The following DGKB variants were observed in gnomAD, a reference collection of about 807,000 sequenced individuals.
DGKB encodes the protein 90 kDa diacylglycerol kinase.
Under a neutral mutation model 114.3 loss-of-function variants are expected in DGKB, and 67 were observed. The observed-to-expected ratio is 0.59, with a 90% CI of 0.48 to 0.72. DGKB has a LOEUF of 0.72. Among genes scored for constraint, DGKB ranks in the 30% least tolerant of loss-of-function variants. The pLI is 0.00. For missense variants in DGKB, 907 were observed against 975.2 expected (o/e 0.93, Z 0.93); for synonymous variants, 398 against 323.1 (o/e 1.23, Z -2.49).
intron 1 of DGKB, among the ~76,000 whole-genome samples, chr7:14,868,795 A>G (rs1024142434): frequency 1.3e-5 from 2 of 152,156 alleles, no homozygotes; most frequent in African/African-American, 4.8e-5. Flanking sequence ...TGACTACCTC[A>G]AAGCTGAGGT....
At chr7:14,707,101 T>A in intron 6 of DGKB, among the ~76,000 whole-genome samples, 2 of 138,552 alleles carry the variant, frequency 1.4e-5, no homozygotes, top group East Asian at 2.5e-4. Flanking sequence ...GAGAGAAGAA[T>A]CAAATAGACG....
intron 20 of DGKB, among the ~76,000 whole-genome samples, chr7:14,558,045 G>C (rs1584796747): frequency 1.3e-5 from 2 of 150,462 alleles, no homozygotes; most frequent in Non-Finnish European, 3.0e-5. Context: ...ATCCATTATT[G>C]GTCTTATCGG....
chr7:14,763,631 C>A (rs568598035), intron 2 of DGKB, among the ~76,000 whole-genome samples: 18 of 152,106 alleles, frequency 1.2e-4, no homozygotes, highest in African/African-American at 4.1e-4. Flanking sequence ...ATTACAACAG[C>A]TAAAATCACA....
At chr7:14,232,458 T>A (rs1286992770) in intron 23 of DGKB, among the ~76,000 whole-genome samples, 2 of 151,568 alleles carry the variant, frequency 1.3e-5, no homozygotes, top group African/African-American at 4.8e-5. Flanking sequence ...TATTATTTGT[T>A]TTGAACTTAG....
chr7:14,740,116 T>C (rs1265557790), intron 4 of DGKB, among the ~76,000 whole-genome samples: 1 of 152,242 alleles, frequency 6.6e-6, no homozygotes, highest in South Asian at 2.1e-4. Context: ...CATGCATCCA[T>C]ACAGTCTTCC....
intron 21 of DGKB, among the ~76,000 whole-genome samples, chr7:14,426,378 G>T (rs1365353155): frequency 6.6e-6 from 1 of 152,168 alleles, no homozygotes; most frequent in Non-Finnish European, 1.5e-5. Context: ...TATTTGTGAG[G>T]AAGTAGCATT....
At chr7:14,204,288 A>T (rs1271772199) in intron 23 of DGKB, among the ~76,000 whole-genome samples, 2 of 151,928 alleles carry the variant, frequency 1.3e-5, no homozygotes, top group Non-Finnish European at 2.9e-5. Context: ...AATACATGAA[A>T]ACTTGAGGGG....
intron 20 of DGKB, among the ~76,000 whole-genome samples, chr7:14,554,886 A>G (rs1795658559): frequency 1.3e-5 from 2 of 152,044 alleles, no homozygotes; most frequent in Admixed American, 1.3e-4. Context: ...TATTCACCCT[A>G]TCTTTATTAT....
intron 23 of DGKB, among the ~76,000 whole-genome samples, chr7:14,304,087 A>ACACACACACACACACACACTCT (rs140836395): frequency 6.4e-4 from 71 of 110,106 alleles, no homozygotes; most frequent in African/African-American, 2.0e-3. Flanking sequence ...ACACACACAC[A>ACACACACACACACACACACTCT]CTCTCTCTCT....
At position 14,212,447 on chromosome 7, in the gene DGKB, G is replaced by A. The variant is rs1788261208; in HGVS notation, c.2123-34296C>T. On this transcript the variant is annotated intron_variant, in intron 23 of 25. Transcript: ENST00000402815. ...TTTGTGATATTTACTCTCATGTTTT[G>A]TGTTCCTCTACATCTCTGGACACTT... 1.3e-5 allele frequency among the ~76,000 whole-genome samples: 2 copies of A among 151,074 alleles called. 1 individual carries two copies. Among genetic ancestry groups the A allele is most frequent in the African/African-American group, 4.9e-5 (2 of 41,142 alleles).
intron 1 of DGKB, among the ~76,000 whole-genome samples, chr7:14,886,894 T>C (rs979411234): frequency 6.6e-6 from 1 of 151,922 alleles, no homozygotes; most frequent in African/African-American, 2.4e-5. Flanking sequence ...TCTCCTATCA[T>C]ACCCACTCCA....
intron 25 of DGKB, among the ~76,000 whole-genome samples, chr7:14,150,962 A>C (rs532282383): frequency 6.6e-6 from 1 of 152,198 alleles, no homozygotes; most frequent in Admixed American, 6.6e-5. Context: ...AAGAAATTAT[A>C]ATCTAGCAGG....
intron 2 of DGKB, among the ~76,000 whole-genome samples, chr7:14,773,923 G>A (rs778565443): frequency 6.6e-6 from 1 of 151,942 alleles, no homozygotes; most frequent in African/African-American, 2.4e-5. Context: ...GGCAAAGGGG[G>A]AAAAAGGCTC....
At chr7:14,447,806 G>T (rs577372400) in intron 21 of DGKB, among the ~76,000 whole-genome samples, 1 of 152,140 alleles carries the variant, frequency 6.6e-6, no homozygotes, top group East Asian at 1.9e-4. Flanking sequence ...AGCTCCTTTT[G>T]TGTATCAGAA....
intron 17 of DGKB, among the ~76,000 whole-genome samples, chr7:14,606,002 T>C (rs1311718393): frequency 1.3e-5 from 2 of 152,112 alleles, no homozygotes; most frequent in East Asian, 3.9e-4. Flanking sequence ...TGACCTCTTG[T>C]TTAACTATGA....
intron 22 of DGKB, among the ~76,000 whole-genome samples, chr7:14,342,697 G>T: frequency 6.6e-6 from 1 of 151,748 alleles, no homozygotes; most frequent in South Asian, 2.1e-4. Context: ...AGTATCATAA[G>T]GTTTTGATAA....
chr7:14,593,701 G>T lies in DGKB; in HGVS notation c.1434-10564C>A, dbSNP rs187695475. On this transcript the variant is annotated intron_variant, in intron 17 of 25. Coordinates refer to ENST00000402815, the MANE Select transcript of DGKB (RefSeq NM_001350709.2). ...GTAACCGATGTTAAACAAAAATTAT[G>T]AGTGGTCATTATTTTAGACTGAGCT... Among the ~76,000 whole-genome samples the T allele has an allele frequency of 2.5e-3, 378 of 151,846 alleles. 1 individual carries two copies. The highest frequency in any genetic ancestry group is 4.3e-3 in the Non-Finnish European group (291 of 67,906).
upstream of DGKB, among the ~76,000 whole-genome samples, chr7:14,906,949 AT>A (rs1336421999): frequency 6.6e-6 from 1 of 152,190 alleles, no homozygotes; most frequent in African/African-American, 2.4e-5. Context: ...CTCACTTTAA[AT>A]TTTTTATATA....
At chr7:14,466,608 T>C (rs562403900) in intron 21 of DGKB, among the ~76,000 whole-genome samples, 13 of 145,322 alleles carry the variant, frequency 8.9e-5, no homozygotes, top group African/African-American at 3.1e-4. Flanking sequence ...CAGTGTTCCA[T>C]AAATACATTC....
Sources: allele counts gnomAD v4.1 joint callset (sites outside exome capture counted in the v4.1 genomes callset), GRCh38; gene constraint gnomAD v4.1.1; transcripts MANE v1.5; gene names NCBI Gene and HGNC (gene_info 2026-07-23, HGNC 2026-07-21).